MYO5B: variants seen among roughly 807,000 people sequenced by gnomAD.
The protein encoded by MYO5B is myosin VB.
In MYO5B, 143 loss-of-function variants were observed where a neutral mutation model predicts 229.3. The observed-to-expected ratio is 0.62, with a 90% CI of 0.54 to 0.72. MYO5B has a LOEUF of 0.72. MYO5B is among the 30% of genes least tolerant of loss of function. MYO5B has a pLI of 0.00. For missense variants in MYO5B, 2,321 were observed against 2,331.0 expected (o/e 1.00, Z 0.09); for synonymous variants, 918 against 885.2 (o/e 1.04, Z -0.66).
chr18:49,841,765 T>A (rs2024060191), intron 34 of MYO5B, among the ~76,000 whole-genome samples: 1 of 152,192 alleles, frequency 6.6e-6, no homozygotes, highest in Non-Finnish European at 1.5e-5. Flanking sequence ...GAGTGACAGA[T>A]GAGGCTCTGC....
rs778827958 is a variant in MYO5B at position 49,912,146 on chromosome 18, C to T, written c.2118G>A (p.Arg706=). The T allele has an allele frequency of 6.2e-7, 1 of 1,613,974 alleles. No homozygotes were observed. The highest frequency in any genetic ancestry group is 8.5e-7 in the Non-Finnish European group (1 of 1,180,006). ...SRWAYHDFFN[R]YRVLVKKREL... is the part of the protein sequence containing the mutation. The stretch of plus-strand genomic sequence containing the variant: ...CTCTCTTCTTGACCAGCACCCGATA[C>T]CGGTTGAAAAAGTCATGGTAGGCCC... The change falls in exon 18 of 40, where the codon CGG becomes CGA. Residue 706 remains arginine, a synonymous_variant. Coordinates refer to ENST00000285039, the MANE Select transcript of MYO5B (RefSeq NM_001080467.3).
intron 1 of MYO5B, among the ~76,000 whole-genome samples, chr18:50,132,411 T>C (rs1385323439): frequency 1.3e-5 from 2 of 152,230 alleles, no homozygotes; most frequent in Non-Finnish European, 2.9e-5. Context: ...TCTGTCGTTG[T>C]AAAGATTGAA....
rs1366459111 is a variant in MYO5B at position 49,895,180 on chromosome 18, G to A, written c.2812-6C>T. 4 of 1,605,438 alleles carry A rather than the reference G, an allele frequency of 2.5e-6. No individual in the cohort carries two copies. Among genetic ancestry groups the A allele is most frequent in the East Asian group, 4.5e-5 (2 of 44,852 alleles). ...AGTGTCTTGAACTCTTTGTTCTGTG[G>A]AGAACATCAGCAAACAAGGAGAAGG... On this transcript the variant is annotated splice_polypyrimidine_tract_variant and splice_region_variant and intron_variant, in intron 21 of 39. Coordinates refer to ENST00000285039, the MANE Select transcript of MYO5B (RefSeq NM_001080467.3).
At chr18:49,910,985 G>T (rs977666568) in intron 18 of MYO5B, among the ~76,000 whole-genome samples, 1 of 152,152 alleles carries the variant, frequency 6.6e-6, no homozygotes, top group African/African-American at 2.4e-5. Context: ...CAATAGCTCC[G>T]CTTCTATAGT....
chr18:49,953,236 C>T (rs2025448515), intron 14 of MYO5B, 24 bp downstream of exon 14: 1 of 1,606,196 alleles, frequency 6.2e-7, no homozygotes, highest in Admixed American at 1.7e-5. Context: ...TCCTGCTCCA[C>T]TCCCCACTTC....
intron 18 of MYO5B, among the ~76,000 whole-genome samples, chr18:49,908,048 T>G (rs1026253182): frequency 6.6e-6 from 1 of 152,092 alleles, no homozygotes; most frequent in Non-Finnish European, 1.5e-5. Flanking sequence ...AGCCCCTGAG[T>G]CAGGGAACAA....
intron 17 of MYO5B, among the ~76,000 whole-genome samples, chr18:49,928,426 C>T (rs1180674454): frequency 6.6e-6 from 1 of 152,182 alleles, no homozygotes. Flanking sequence ...GGTGGATCAC[C>T]TGAGGTCAGG....
At chr18:50,088,342 C>T (rs2031376012) in intron 1 of MYO5B, among the ~76,000 whole-genome samples, 1 of 152,152 alleles carries the variant, frequency 6.6e-6, no homozygotes, top group African/African-American at 2.4e-5. Context: ...ACATGACAGG[C>T]ATGTATAGGA....
Position 50,113,818 on chromosome 18 carries a change from C to A in MYO5B, c.28-58440G>T, listed in dbSNP as rs148239061. Among the ~76,000 whole-genome samples, 8 of 152,330 alleles carry A rather than the reference C, an allele frequency of 5.3e-5. No homozygotes were observed. In the East Asian group the frequency reaches 1.5e-3, roughly 29 times the overall value. On this transcript the variant is annotated intron_variant, in intron 1 of 39. Coordinates refer to ENST00000285039, the MANE Select transcript of MYO5B (RefSeq NM_001080467.3). The stretch of plus-strand genomic sequence containing the variant: ...TGACTCAGGCTGCTGTTCTTATCAT[C>A]CAGGCATCTCAAATGCTATTTTAAA...
intron 1 of MYO5B, among the ~76,000 whole-genome samples, chr18:50,057,295 C>A (rs2030573458): frequency 6.6e-6 from 1 of 152,232 alleles, no homozygotes; most frequent in Non-Finnish European, 1.5e-5. Flanking sequence ...TCTCTTGTCA[C>A]TGAGTTCCAC....
At chr18:49,938,331 C>A (rs1475696928) in intron 14 of MYO5B, among the ~76,000 whole-genome samples, 1 of 151,936 alleles carries the variant, frequency 6.6e-6, no homozygotes, top group Non-Finnish European at 1.5e-5. Context: ...AGAGTCCCAG[C>A]CATCAAGAAG....
chr18:49,987,303 C>T (rs375485724), intron 7 of MYO5B, among the ~76,000 whole-genome samples: 21 of 152,232 alleles, frequency 1.4e-4, no homozygotes, highest in African/African-American at 4.8e-4. Flanking sequence ...TTTCCATATG[C>T]GTTAAGGTCT....
chr18:50,145,590 T>C (rs904755171), intron 1 of MYO5B, among the ~76,000 whole-genome samples: 1 of 150,314 alleles, frequency 6.7e-6, no homozygotes, highest in East Asian at 2.0e-4. Context: ...AAAATGCTGA[T>C]GGGAAGACTT....
intron 1 of MYO5B, among the ~76,000 whole-genome samples, chr18:50,094,051 T>G (rs1207632101): frequency 6.6e-6 from 1 of 152,196 alleles, no homozygotes; most frequent in Non-Finnish European, 1.5e-5. Context: ...TAAACTTCCT[T>G]TCATTTTACT....
chr18:50,075,088 G>A (rs923122737), intron 1 of MYO5B, among the ~76,000 whole-genome samples: 2 of 152,186 alleles, frequency 1.3e-5, no homozygotes, highest in African/African-American at 4.8e-5. Context: ...GAGCCACCAT[G>A]CCTGGCCTGG....
intron 1 of MYO5B, among the ~76,000 whole-genome samples, chr18:50,151,877 C>T (rs1029590598): frequency 2.0e-5 from 3 of 152,124 alleles, no homozygotes; most frequent in African/African-American, 7.2e-5. Flanking sequence ...CCCCAAATCA[C>T]ACCACTCCTG....
chr18:49,895,259 A>T, intron 21 of MYO5B, 85 bp from the exon 22 acceptor site: 2 of 1,201,652 alleles, frequency 1.7e-6, no homozygotes, highest in Non-Finnish European at 1.2e-6. Flanking sequence ...GCATGAAGGC[A>T]ATCAAAAAAG....
intron 1 of MYO5B, among the ~76,000 whole-genome samples, chr18:50,108,278 CAA>C (rs773935151): frequency 1.3e-5 from 2 of 152,184 alleles, no homozygotes; most frequent in Non-Finnish European, 2.9e-5. Context: ...GAATCTCTGA[CAA>C]ACAGCTGAGC....
rs2026289165 is a variant in MYO5B, at chr18:50,022,652, T to A, written c.455+14198A>T. On this transcript the variant is annotated intron_variant, in intron 4 of 39. Coordinates refer to ENST00000285039, the MANE Select transcript of MYO5B (RefSeq NM_001080467.3). ...AGGAACATTCAAAAGTTTGTTAGAT[T>A]CCTACTCAGATATCAAGAGTGAGGT... Among the ~76,000 whole-genome samples, 2 of 152,182 alleles carry A rather than the reference T, an allele frequency of 1.3e-5. 1 individual carries two copies. The highest frequency in any genetic ancestry group is 4.1e-4 in the South Asian group (2 of 4,830).
Sources: allele counts gnomAD v4.1 joint callset (sites outside exome capture counted in the v4.1 genomes callset), GRCh38; gene constraint gnomAD v4.1.1; transcripts MANE v1.5; gene names NCBI Gene and HGNC (gene_info 2026-07-23, HGNC 2026-07-21).